The following FAM193A variants were observed in gnomAD, a reference collection of about 807,000 sequenced individuals.
FAM193A encodes the protein family with sequence similarity 193 member A, also known as protein FAM193A.
Under a neutral mutation model 126.5 loss-of-function variants are expected in FAM193A, and 22 were observed. The observed-to-expected ratio is 0.17, with a 90% CI of 0.12 to 0.25. The LOEUF is 0.25. Among genes scored for constraint, FAM193A ranks in the 10% least tolerant of loss-of-function variants. The probability of loss-of-function intolerance (pLI) is 1.00; values close to 1 mark genes in which losing one functional copy is unlikely to be tolerated. For synonymous variants in FAM193A, 761 were observed against 646.8 expected (o/e 1.18, Z -2.68); for missense variants, 1,675 against 1,672.8 (o/e 1.00, Z -0.02).
At chr4:2,589,341 A>G (rs1740397570) in intron 1 of FAM193A, among the ~76,000 whole-genome samples, 1 of 152,196 alleles carries the variant, frequency 6.6e-6, no homozygotes, top group African/African-American at 2.4e-5. Flanking sequence ...ATCATTAAAA[A>G]CAGTTGCAGT....
At chr4:2,618,576 C>T (rs994701612) in intron 2 of FAM193A, among the ~76,000 whole-genome samples, 6 of 145,656 alleles carry the variant, frequency 4.1e-5, no homozygotes, top group South Asian at 2.2e-4. Context: ...TATAGGTGCC[C>T]GCCACCATGC....
intron 1 of FAM193A, among the ~76,000 whole-genome samples, chr4:2,537,803 C>G (rs575494515): frequency 1.3e-5 from 2 of 152,216 alleles, no homozygotes; most frequent in East Asian, 1.9e-4. Context: ...CCTCCTCCCC[C>G]GCTTTGTTAA....
At chr4:2,562,378 G>A (rs951433929) in intron 1 of FAM193A, among the ~76,000 whole-genome samples, 4 of 152,056 alleles carry the variant, frequency 2.6e-5, no homozygotes, top group Non-Finnish European at 5.9e-5. Context: ...CTTGAGCTTC[G>A]GAGTTAAACA....
At chr4:2,714,831 T>G (rs1719366917) in intron 19 of FAM193A, among the ~76,000 whole-genome samples, 1 of 152,196 alleles carries the variant, frequency 6.6e-6, no homozygotes, top group Non-Finnish European at 1.5e-5. Context: ...GAGACTCACC[T>G]TTAACAAAGA....
chr4:2,580,301 G>A (rs980905894), intron 1 of FAM193A, among the ~76,000 whole-genome samples: 1 of 152,120 alleles, frequency 6.6e-6, no homozygotes, highest in Non-Finnish European at 1.5e-5. Context: ...CACGTAGAGG[G>A]GAACAACATA....
chr4:2,551,800 C>T (rs1417421898), intron 1 of FAM193A, among the ~76,000 whole-genome samples: 2 of 150,856 alleles, frequency 1.3e-5, no homozygotes, highest in Non-Finnish European at 2.9e-5. Context: ...AACACTTTGC[C>T]TTATTATTTG....
At chr4:2,561,339 G>C (rs1738601368) in intron 1 of FAM193A, among the ~76,000 whole-genome samples, 1 of 151,216 alleles carries the variant, frequency 6.6e-6, no homozygotes, top group East Asian at 2.0e-4. Flanking sequence ...GTACAACCAT[G>C]CCCGGCTAAT....
intron 6 of FAM193A, among the ~76,000 whole-genome samples, chr4:2,642,135 A>C (rs1219351321): frequency 3.6e-5 from 2 of 55,480 alleles, no homozygotes; most frequent in African/African-American, 9.0e-5. Context: ...CTAAAAATAC[A>C]AAAAAAAAAA....
At chr4:2,612,177 T>G (rs1169134452) in intron 2 of FAM193A, among the ~76,000 whole-genome samples, 1 of 151,780 alleles carries the variant, frequency 6.6e-6, no homozygotes, top group Non-Finnish European at 1.5e-5. Flanking sequence ...TTGTGTTCCA[T>G]GTAAGAAATC....
chr4:2,573,848 G>A (rs1378118695), intron 1 of FAM193A, among the ~76,000 whole-genome samples: 2 of 152,088 alleles, frequency 1.3e-5, no homozygotes, highest in African/African-American at 4.8e-5. Context: ...TGAGGGAGAT[G>A]AGGGGTGCAC....
chr4:2,550,727 C>A (rs75831855), intron 1 of FAM193A, among the ~76,000 whole-genome samples: 1 of 151,898 alleles, frequency 6.6e-6, no homozygotes, highest in East Asian at 1.9e-4. Context: ...TGAGCCACCA[C>A]GCCTGTTGGT....
At chr4:2,688,292 A>C (rs566890415) in intron 13 of FAM193A, among the ~76,000 whole-genome samples, 1 of 152,244 alleles carries the variant, frequency 6.6e-6, no homozygotes, top group East Asian at 1.9e-4. Context: ...TAAGAGGGAA[A>C]ATGACGGATT....
At chr4:2,639,189 G>A (rs1281789135) in intron 5 of FAM193A, among the ~76,000 whole-genome samples, 5 of 152,128 alleles carry the variant, frequency 3.3e-5, no homozygotes, top group South Asian at 2.1e-4. Flanking sequence ...CTAGGTTTTC[G>A]TGGTATTATC....
In FAM193A at chr4:2,625,871, G is replaced by A. The variant is rs141339565; in HGVS notation, c.635+476G>A. Among the ~76,000 whole-genome samples, 431 of 152,094 alleles carry A rather than the reference G, an allele frequency of 2.8e-3. 1 individual carries two copies. Among genetic ancestry groups the A allele is most frequent in the African/African-American group, 7.8e-3 (323 of 41,504 alleles). ...TCCCGGTATCTGGGACTACAGGCGCGCACCACCATGTCGGGCTAATTTTTG... is the reference window on the plus strand; with the variant it reads ...TCCCGGTATCTGGGACTACAGGCGCACACCACCATGTCGGGCTAATTTTTG... On this transcript the variant is annotated intron_variant, in intron 3 of 20. Coordinates refer to ENST00000637812, the MANE Select transcript of FAM193A (RefSeq NM_001366318.2).
chr4:2,663,918 G>T (rs1195841838), intron 12 of FAM193A, among the ~76,000 whole-genome samples: 1 of 152,230 alleles, frequency 6.6e-6, no homozygotes, highest in Non-Finnish European at 1.5e-5. Flanking sequence ...AGTGAGCCAA[G>T]ATTGCGCCAC....
At chr4:2,626,845 A>G (rs1029384715) in intron 4 of FAM193A, among the ~76,000 whole-genome samples, 41 of 152,322 alleles carry the variant, frequency 2.7e-4, no homozygotes, top group African/African-American at 9.1e-4. Context: ...GAAGACTGAT[A>G]ATAATACCTT....
At chr4:2,684,668 C>T (rs757608048) in intron 13 of FAM193A, among the ~76,000 whole-genome samples, 3 of 152,170 alleles carry the variant, frequency 2.0e-5, no homozygotes, top group Non-Finnish European at 4.4e-5. Flanking sequence ...GACCTGGGCT[C>T]CTCTTGAGGG....
At chr4:2,587,405 C>A (rs1011764675) in intron 1 of FAM193A, among the ~76,000 whole-genome samples, 3 of 152,204 alleles carry the variant, frequency 2.0e-5, no homozygotes, top group African/African-American at 7.2e-5. Flanking sequence ...TTAGGCCCAC[C>A]TCCAGCACTG....
rs779458465 is a variant in FAM193A at position 2,690,958 on chromosome 4, C to A, written c.2791C>A (p.Pro931Thr). The change falls in exon 15 of 21, where the codon CCT (proline) becomes ACT (threonine). Residue 931 changes from proline (P) to threonine (T), a missense_variant. By Grantham distance (38) the Pro-to-Thr change is conservative (BLOSUM62 -1). Around this residue, in one of 4 missense-constraint regions of FAM193A, gnomAD observed 1,186 missense variants for 1,109.2 expected, o/e 1.07. Coordinates refer to ENST00000637812, the MANE Select transcript of FAM193A (RefSeq NM_001366318.2). ...NSQFRVSSKR[P>T]PSVGDVFHGI... Reference sequence around the variant, plus strand: ...CCAGTTCAGAGTGTCATCCAAGAGACCTCCTTCAGTAGGTAAGGCTTGAAG... The same window carrying A: ...CCAGTTCAGAGTGTCATCCAAGAGAACTCCTTCAGTAGGTAAGGCTTGAAG... The A allele has an allele frequency of 1.2e-6, 2 of 1,612,812 alleles. No homozygotes were observed. Among genetic ancestry groups the A allele is most frequent in the East Asian group, 2.2e-5 (1 of 44,854 alleles).
Sources: gnomAD v4.1 joint callset for allele counts (sites outside exome capture counted in the v4.1 genomes callset) on GRCh38, gnomAD v4.1.1 for gene constraint, gnomAD v4.1.1 regional missense constraint, MANE v1.5 for transcripts, NCBI Gene and HGNC (gene_info 2026-07-23, HGNC 2026-07-21) for gene names.